The following ADAMTS6 variants were observed in gnomAD, a reference collection of about 807,000 sequenced individuals.
The protein encoded by ADAMTS6 is ADAM metallopeptidase with thrombospondin type 1 motif 6.
In ADAMTS6, 23 loss-of-function variants were observed where a neutral mutation model predicts 144.3. The ratio of observed to expected loss-of-function variants is 0.16; its 90% CI spans 0.11 to 0.23. The LOEUF (loss-of-function observed/expected upper bound fraction) is 0.23, where lower values mean the gene tolerates loss of function less well. Among genes scored for constraint, ADAMTS6 ranks in the 10% least tolerant of loss-of-function variants. ADAMTS6 has a pLI of 1.00. For synonymous variants in ADAMTS6, 444 were observed against 457.5 expected, an observed-to-expected ratio of 0.97 and a Z score of 0.38; for missense variants, 999 against 1,379.6, an observed-to-expected ratio of 0.72 and a Z score of 4.37.
Position 65,229,612 on chromosome 5 carries a change from T to G in ADAMTS6, c.1934-3393A>C, listed in dbSNP as rs572634934. On this transcript the variant is annotated intron_variant, in intron 15 of 24. Transcript: ENST00000381055. ...AAGTTCAATAGATAGAAATCATTAA[T>G]AAAAACAGATTCTGGAGGTAAAGAA... 2.0e-4 allele frequency among the ~76,000 whole-genome samples: 30 copies of G among 152,026 alleles called. No individual in the cohort carries two copies. The South Asian group carries it at 5.4e-3, about 27-fold the overall frequency.
At chr5:65,291,499 TA>T (rs1340902118) in intron 10 of ADAMTS6, 29 bp from the exon 11 acceptor site, 1 of 1,577,688 alleles carries the variant, frequency 6.3e-7, no homozygotes, top group African/African-American at 1.4e-5. Context: ...CAAAGGAAAT[TA>T]GGTATTCTAT....
At chr5:65,224,126 C>T (rs1269822140) in intron 18 of ADAMTS6, among the ~76,000 whole-genome samples, 194 bp downstream of exon 18, 2 of 151,982 alleles carry the variant, frequency 1.3e-5, no homozygotes, top group African/African-American at 2.4e-5. Context: ...TAAAATAACC[C>T]GGTGAAGAGT....
At chr5:65,174,338 C>T (rs73103487) in intron 22 of ADAMTS6, among the ~76,000 whole-genome samples, 5,070 of 152,228 alleles carry the variant, frequency 0.033, 265 homozygotes, top group African/African-American at 0.12. Context: ...GACAGTCGGA[C>T]GGTCGAGGCA....
At chr5:65,344,591 T>C (rs1371477461) in intron 7 of ADAMTS6, among the ~76,000 whole-genome samples, 1 of 151,938 alleles carries the variant, frequency 6.6e-6, no homozygotes, top group Non-Finnish European at 1.5e-5. Flanking sequence ...TTTTCACTGA[T>C]ACAAAATTAA....
rs530695684 is a variant in ADAMTS6, at chr5:65,361,369, TA to T, written c.1074-27285del. 1.1e-4 allele frequency among the ~76,000 whole-genome samples: 17 copies of T among 152,196 alleles called. No individual in the cohort carries two copies. The East Asian group carries it at 3.1e-3, about 28-fold the overall frequency. On this transcript the variant is annotated intron_variant, in intron 7 of 24. Transcript: ENST00000381055. The stretch of plus-strand genomic sequence containing the variant: ...AATAGCCACCACTACTATCCACCTT[TA>T]AAAAAATGTTTTAAATATATACATA...
chr5:65,166,076 C>A lies in ADAMTS6; in HGVS notation c.3244+4541G>T, dbSNP rs1249464065. ...TGGACTAAATTCTCCAATTAAAAGA[C>A]ACAGACTGGCAAGTTGGATAAAGAG... On this transcript the variant is annotated intron_variant, in intron 24 of 24. Coordinates refer to ENST00000381055, the MANE Select transcript of ADAMTS6 (RefSeq NM_197941.4). 2.1e-5 allele frequency among the ~76,000 whole-genome samples: 3 copies of A among 143,954 alleles called. No individual in the cohort carries two copies. The Admixed American group carries it at 2.1e-4, about 10-fold the overall frequency. 94.4% of individuals were successfully genotyped at this position (143,954 alleles called of 152,430 possible). A position where few individuals can be genotyped will look rare whatever the true frequency, so the allele number is the denominator to read the frequency against.
chr5:65,177,649 G>A (rs774821720), intron 22 of ADAMTS6, among the ~76,000 whole-genome samples: 2 of 152,158 alleles, frequency 1.3e-5, no homozygotes, highest in African/African-American at 4.8e-5. Flanking sequence ...TCCTAAAATC[G>A]TACATTCATT....
At chr5:65,267,509 T>C (rs1761716129) in intron 12 of ADAMTS6, among the ~76,000 whole-genome samples, 1 of 152,170 alleles carries the variant, frequency 6.6e-6, no homozygotes, top group Non-Finnish European at 1.5e-5. Context: ...AAAGATGGTA[T>C]ATTCCAGTCA....
chr5:65,403,659 G>A (rs1344814124), intron 7 of ADAMTS6, among the ~76,000 whole-genome samples: 1 of 152,014 alleles, frequency 6.6e-6, no homozygotes, highest in Admixed American at 6.6e-5. Context: ...GAGACAACTA[G>A]TTACCATGTA....
intron 14 of ADAMTS6, among the ~76,000 whole-genome samples, chr5:65,242,912 T>C (rs1759318466): frequency 2.6e-5 from 4 of 152,110 alleles, no homozygotes; most frequent in Admixed American, 6.6e-5. Context: ...TTTTTAAAAG[T>C]TGGAAATGTT....
chr5:65,229,779 C>G (rs1393225610), intron 15 of ADAMTS6, among the ~76,000 whole-genome samples: 4 of 151,930 alleles, frequency 2.6e-5, no homozygotes, highest in Non-Finnish European at 5.9e-5. Flanking sequence ...GGGACATCAC[C>G]AAGATAACTA....
intron 24 of ADAMTS6, among the ~76,000 whole-genome samples, chr5:65,168,027 T>C (rs1753307673): frequency 6.7e-6 from 1 of 149,176 alleles, no homozygotes; most frequent in East Asian, 2.0e-4. Context: ...TTGGAAGTTC[T>C]GGCCAGGGCA....
chr5:65,466,954 A>G (rs1760066243), intron 3 of ADAMTS6, among the ~76,000 whole-genome samples: 1 of 151,786 alleles, frequency 6.6e-6, no homozygotes, highest in South Asian at 2.1e-4. Context: ...ACGCAGGAGA[A>G]TGGCGTGGAC....
In ADAMTS6 at chr5:65,197,065, G is replaced by A. The variant is rs1755433953; in HGVS notation, c.2662C>T (p.Pro888Ser). 3.1e-6 allele frequency: 5 copies of A among 1,613,846 alleles called. No homozygotes were observed. The East Asian group carries it at 1.1e-4, about 36-fold the overall frequency. ...GTGTTGCAGGCTCTTTGATTTTCAGGTGGCTTACTGTCAGGATCACAGTAA... is the reference window on the plus strand; with the variant it reads ...GTGTTGCAGGCTCTTTGATTTTCAGATGGCTTACTGTCAGGATCACAGTAA... ...NNYCDPDSKP[P>S]ENQRACNTEP... Residue 888 changes from proline to serine, a missense_variant, in exon 21 of 25, where the codon CCT (proline) becomes TCT (serine). By Grantham distance (74) the Pro-to-Ser change is moderately conservative. This residue lies in a region of ADAMTS6 where 619 missense variants were observed against 837.0 expected (regional missense o/e 0.74). Transcript: ENST00000381055.
chr5:65,196,556 G>GAAAAAAAAAAA (rs1755391481), intron 21 of ADAMTS6, among the ~76,000 whole-genome samples: 1 of 106,116 alleles, frequency 9.4e-6, no homozygotes, highest in Non-Finnish European at 2.0e-5. Context: ...AAAAAAAGAG[G>GAAAAAAAAAAA]TCTTTAGATC....
chr5:65,369,378 A>C (rs1356924264), intron 7 of ADAMTS6, among the ~76,000 whole-genome samples: 1 of 152,222 alleles, frequency 6.6e-6, no homozygotes, highest in Non-Finnish European at 1.5e-5. Context: ...TTGAACCATA[A>C]AAAGTTGTCT....
intron 24 of ADAMTS6, among the ~76,000 whole-genome samples, chr5:65,157,499 C>T (rs1215778125): frequency 6.6e-6 from 1 of 152,182 alleles, no homozygotes; most frequent in African/African-American, 2.4e-5. Context: ...GGGAGATACC[C>T]TTCATGACCA....
Position 65,384,978 on chromosome 5 carries a change from C to T in ADAMTS6, c.1074-50893G>A, listed in dbSNP as rs546819993. 2.6e-4 allele frequency among the ~76,000 whole-genome samples: 40 copies of T among 152,290 alleles called. 1 individual carries two copies. The highest frequency in any genetic ancestry group is 9.1e-4 in the African/African-American group (38 of 41,558). ...CATAGATGATACCTTCTTGCTGCAT[C>T]TTCACATGGTAGAAGGCAAAAGGGG... On this transcript the variant is annotated intron_variant, in intron 7 of 24. Coordinates refer to ENST00000381055, the MANE Select transcript of ADAMTS6 (RefSeq NM_197941.4).
intron 22 of ADAMTS6, among the ~76,000 whole-genome samples, chr5:65,183,664 T>TAAAA (rs57814694): frequency 0.21 from 31,630 of 151,576 alleles, 3,717 homozygotes; most frequent in African/African-American, 0.32. Flanking sequence ...AATAAAAAAA[T>TAAAA]AAAAATTTCT....
Sources: allele counts gnomAD v4.1 joint callset (sites outside exome capture counted in the v4.1 genomes callset), GRCh38; gene constraint gnomAD v4.1.1; regional missense constraint gnomAD v4.1.1; transcripts MANE v1.5; gene names NCBI Gene and HGNC (gene_info 2026-07-23, HGNC 2026-07-21).